SLC35F4: variants seen among roughly 807,000 people sequenced by gnomAD.
SLC35F4 encodes the protein solute carrier family 35 member F4.
In SLC35F4, 24 loss-of-function variants were observed where a neutral mutation model predicts 44.2. That is an observed-to-expected ratio of 0.54 (90% CI 0.39 to 0.76). The LOEUF is 0.76. Among genes scored for constraint, SLC35F4 ranks in the 30% least tolerant of loss-of-function variants. The pLI, the probability that SLC35F4 is intolerant of heterozygous loss-of-function variation, is 0.00. For synonymous variants in SLC35F4, 238 were observed against 223.6 expected, an observed-to-expected ratio of 1.06 and a Z score of -0.57; for missense variants, 562 against 586.1, an observed-to-expected ratio of 0.96 and a Z score of 0.42.
chr14:57,657,693 A>C (rs936394973), intron 1 of SLC35F4, among the ~76,000 whole-genome samples: 14 of 152,134 alleles, frequency 9.2e-5, no homozygotes, highest in African/African-American at 3.4e-4. Context: ...TGCAGCCCCA[A>C]CTCAGAAATC....
At chr14:57,730,705 T>C (rs767894021) in intron 1 of SLC35F4, among the ~76,000 whole-genome samples, 3 of 152,168 alleles carry the variant, frequency 2.0e-5, no homozygotes, top group Non-Finnish European at 2.9e-5. Context: ...AGCAATACAG[T>C]GTGCATTATT....
At chr14:57,719,127 T>C (rs8011365) in intron 1 of SLC35F4, among the ~76,000 whole-genome samples, 60,249 of 152,016 alleles carry the variant, frequency 0.4, 11,965 homozygotes, top group Middle Eastern at 0.42. Context: ...GGCACTTTTG[T>C]CAAAAATGAG....
intron 1 of SLC35F4, among the ~76,000 whole-genome samples, chr14:57,700,134 G>T (rs887402052): frequency 5.9e-5 from 9 of 152,160 alleles, no homozygotes; most frequent in Admixed American, 5.9e-4. Context: ...ACATCGTAGA[G>T]TGTACTTATA....
chr14:57,822,929 G>A (rs916497184), intron 1 of SLC35F4, among the ~76,000 whole-genome samples: 2 of 152,068 alleles, frequency 1.3e-5, no homozygotes, highest in African/African-American at 4.8e-5. Flanking sequence ...CATCCCCTAA[G>A]TGTTCCCAGG....
At chr14:57,928,847 C>T (rs1889635011) in intron 1 of SLC35F4, among the ~76,000 whole-genome samples, 1 of 152,134 alleles carries the variant, frequency 6.6e-6, no homozygotes, top group African/African-American at 2.4e-5. Context: ...TAACAAACTT[C>T]CTCAAGAAGA....
chr14:57,936,956 A>G (rs1016462434), intron 1 of SLC35F4, among the ~76,000 whole-genome samples: 2 of 152,230 alleles, frequency 1.3e-5, no homozygotes, highest in East Asian at 1.9e-4. Context: ...GTATGATGAA[A>G]TACACAGCAG....
intron 4 of SLC35F4, among the ~76,000 whole-genome samples, chr14:57,580,206 C>T (rs1333976426): frequency 1.8e-4 from 28 of 152,118 alleles, no homozygotes; most frequent in Non-Finnish European, 4.4e-5. Context: ...AATTGTCTAA[C>T]TAACTGTTTT....
At chr14:57,964,394 A>T (rs925184621) in intron 1 of SLC35F4, among the ~76,000 whole-genome samples, 2 of 126,864 alleles carry the variant, frequency 1.6e-5, no homozygotes, top group South Asian at 2.6e-4. Flanking sequence ...CCCAGGAAGA[A>T]AGACTCTAAA....
rs570508467 is a variant in SLC35F4 at position 57,929,983 on chromosome 14, T to G, written n.282+51930A>C. On this transcript the variant is annotated intron_variant and non_coding_transcript_variant, in intron 1 of 1. Transcript: ENST00000556568. ...TAGCAACCTACTTTTCTTAGACTTT[T>G]CAGAGAGAGCATGTTTCATAAAGGG... is the stretch of plus-strand genomic sequence containing the variant. Among the ~76,000 whole-genome samples, 8 of 152,282 alleles carry G rather than the reference T, an allele frequency of 5.3e-5. No homozygotes were observed. In the South Asian group the frequency reaches 1.7e-3, roughly 32 times the overall value.
intron 1 of SLC35F4, among the ~76,000 whole-genome samples, chr14:57,947,614 G>C (rs143543698): frequency 6.1e-4 from 93 of 152,178 alleles, no homozygotes; most frequent in African/African-American, 2.2e-3. Context: ...CAGTTCTTGG[G>C]GGAATGCCTT....
At chr14:57,884,461 A>G (rs915493500) in intron 1 of SLC35F4, among the ~76,000 whole-genome samples, 2 of 152,164 alleles carry the variant, frequency 1.3e-5, no homozygotes, top group East Asian at 1.9e-4. Context: ...ACTCTTCCAT[A>G]TTTCGTTTCT....
intron 1 of SLC35F4, among the ~76,000 whole-genome samples, chr14:57,785,739 G>A (rs532724125): frequency 6.6e-6 from 1 of 152,306 alleles, no homozygotes; most frequent in South Asian, 2.1e-4. Context: ...AAATACTGGG[G>A]AAGAGGAAGC....
chr14:57,745,533 G>T lies in SLC35F4; in HGVS notation c.103+120190C>A, dbSNP rs568251983. ...GAAATGCAAATCAAAACCACAATGA[G>T]ATTCCATCTCACACCAGTTAGAATG... On this transcript the variant is annotated intron_variant, in intron 1 of 7. Coordinates refer to ENST00000556826, the MANE Select transcript of SLC35F4 (RefSeq NM_001306087.2). Among the ~76,000 whole-genome samples, 1,110 of 152,250 alleles carry T rather than the reference G, an allele frequency of 7.3e-3. 10 individuals carry two copies. Among genetic ancestry groups the T allele is most frequent in the Non-Finnish European group, 0.012 (847 of 68,024 alleles).
At chr14:57,913,783 T>C (rs759843772) in intron 1 of SLC35F4, among the ~76,000 whole-genome samples, 6 of 152,248 alleles carry the variant, frequency 3.9e-5, no homozygotes, top group Non-Finnish European at 7.3e-5. Flanking sequence ...TTTTCCTTGC[T>C]TTATGTACAT....
At chr14:57,873,543 T>C (rs1403005530) in intron 1 of SLC35F4, among the ~76,000 whole-genome samples, 1 of 152,196 alleles carries the variant, frequency 6.6e-6, no homozygotes, top group Non-Finnish European at 1.5e-5. Context: ...TATGTTCTAA[T>C]ATTAAGTGGT....
intron 1 of SLC35F4, among the ~76,000 whole-genome samples, chr14:57,705,770 A>G (rs929202056): frequency 1.3e-5 from 2 of 152,170 alleles, no homozygotes; most frequent in Non-Finnish European, 2.9e-5. Flanking sequence ...TATATAGTCC[A>G]TAACACTTTT....
chr14:57,656,602 G>T (rs2073981788), intron 1 of SLC35F4, among the ~76,000 whole-genome samples: 1 of 151,948 alleles, frequency 6.6e-6, no homozygotes, highest in African/African-American at 2.4e-5. Context: ...AAGGATGTAG[G>T]TTCAAATCCC....
intron 1 of SLC35F4, among the ~76,000 whole-genome samples, chr14:57,635,018 C>T (rs12897235): frequency 1.3e-5 from 2 of 151,796 alleles, no homozygotes; most frequent in Admixed American, 6.6e-5. Flanking sequence ...AGGAGGCTGA[C>T]GCAGGAGGAT....
chr14:57,668,484 A>G (rs1294741327), intron 1 of SLC35F4, among the ~76,000 whole-genome samples: 2 of 152,162 alleles, frequency 1.3e-5, no homozygotes, highest in East Asian at 1.9e-4. Flanking sequence ...TAAGTCTTTA[A>G]TCCATCTTGA....
Sources: allele counts gnomAD v4.1 joint callset (sites outside exome capture counted in the v4.1 genomes callset), GRCh38; gene constraint gnomAD v4.1.1; transcripts MANE v1.5; gene names NCBI Gene and HGNC (gene_info 2026-07-23, HGNC 2026-07-21).